Variants in CRELD2 observed in about 807,000 individuals in gnomAD.
CRELD2 encodes protein disulfide isomerase CRELD2.
CRELD2 carries 33 observed loss-of-function variants against 48.1 expected under a neutral mutation model. That is an observed-to-expected ratio of 0.69 (90% confidence interval 0.52 to 0.92). The LOEUF (loss-of-function observed/expected upper bound fraction) is 0.92, where lower values mean the gene tolerates loss of function less well. CRELD2 is among the 40% of genes least tolerant of loss of function. CRELD2 has a pLI of 0.00. For missense variants in CRELD2, 477 were observed against 482.4 expected, an observed-to-expected ratio of 0.99 and a Z score of 0.10; for synonymous variants, 220 against 203.9, an observed-to-expected ratio of 1.08 and a Z score of -0.67.
At chr22:49,925,062 C>T (rs1322516804) in intron 8 of CRELD2, 5 of 169,402 alleles carry the variant, frequency 3.0e-5, no homozygotes, top group East Asian at 1.7e-4. Flanking sequence ...ACCCGGGAGG[C>T]GGAGCTTGCA....
In CRELD2 at chr22:49,924,416, T is replaced by C; in HGVS notation, c.829T>C (p.Cys277Arg). The C allele has an allele frequency of 6.2e-7, 1 of 1,612,232 alleles. No individual in the cohort carries two copies. Among genetic ancestry groups the C allele is most frequent in the Non-Finnish European group, 8.5e-7 (1 of 1,179,394 alleles). ...TGEGPGNCKE[C>R]ISGYAREHGQ... ...GGAAGGCCCAGGAAACTGTAAAGAG[T>C]GTATCTCTGGCTACGCGAGGGAGCA... The change falls in exon 8 of 10, where the codon TGT becomes CGT. Residue 277 changes from cysteine to arginine, a missense_variant. By Grantham distance (180) the Cys-to-Arg change is radical. Transcript: ENST00000328268.
chr22:49,923,064 G>C (rs80177491), intron 6 of CRELD2, 170 bp from the exon 7 acceptor site: 8,793 of 602,638 alleles, frequency 0.015, 222 homozygotes, highest in South Asian at 0.068. Flanking sequence ...CCCCTGCCGC[G>C]TGGGGCCTCC....
At chr22:49,918,920 T>G in intron 1 of CRELD2, 22 bp downstream of exon 1, 1 of 1,326,714 alleles carries the variant, frequency 7.5e-7, no homozygotes, top group South Asian at 2.0e-5. Flanking sequence ...CCGGGCGGGG[T>G]CGTCAACCTT....
At chr22:49,921,809 G>A in intron 5 of CRELD2, 48 bp downstream of exon 5, 1 of 1,564,934 alleles carries the variant, frequency 6.4e-7, no homozygotes, top group African/African-American at 1.3e-5. Flanking sequence ...GGGATGACAA[G>A]AGCCCCTTGC....
At position 49,919,767 on chromosome 22, in the gene CRELD2, G is replaced by T; in HGVS notation, c.250G>T (p.Glu84Ter). 6.2e-7 allele frequency: 1 copy of T among 1,612,450 alleles called. No individual in the cohort carries two copies. The highest frequency in any genetic ancestry group is 1.1e-5 in the South Asian group (1 of 90,594). Residue 84 changes from glutamate (E) to a stop codon, truncating the protein, a stop_gained, in exon 3 of 10, where the codon GAG becomes TAG. Transcript: ENST00000328268. LOFTEE classifies it high-confidence loss of function. The part of the protein sequence containing the change: ...RLLEILEGLC[E>*]SSDFECNQML... The stretch of plus-strand genomic sequence containing the variant: ...GCTGGAGATCCTGGAGGGGCTGTGC[G>T]AGAGCAGCGACTTCGAATGCAATCA...
At chr22:49,921,560 G>C in intron 4 of CRELD2, 25 bp from the exon 5 acceptor site, 2 of 1,606,604 alleles carry the variant, frequency 1.2e-6, no homozygotes, top group Non-Finnish European at 1.7e-6. Context: ...GGTGTGCTCT[G>C]AGCATGGTTT....
rs1247992313 is a variant in CRELD2 at position 49,921,794 on chromosome 22, G to A, written c.592+33G>A. 8 of 1,581,378 alleles carry A rather than the reference G, an allele frequency of 5.1e-6. No homozygotes were observed. The African/African-American group carries it at 1.1e-4, about 21-fold the overall frequency. On this transcript the variant is annotated intron_variant, in intron 5 of 9. Coordinates refer to ENST00000328268, the MANE Select transcript of CRELD2 (RefSeq NM_024324.5). ...CTACGCCTGGGCTGGCCCCGGGGTT[G>A]AGGCGGGATGACAAGAGCCCCTTGC...
intron 5 of CRELD2, chr22:49,922,033 G>C (rs1349609643): frequency 6.7e-6 from 4 of 599,738 alleles, no homozygotes; most frequent in Non-Finnish European, 1.2e-5. Flanking sequence ...GTTGTGATGG[G>C]CCATGCAGTG....
intron 3 of CRELD2, 29 bp downstream of exon 3, chr22:49,919,869 A>G: frequency 1.4e-6 from 2 of 1,462,858 alleles, no homozygotes; most frequent in African/African-American, 2.8e-5. Flanking sequence ...CTTAGAAGAT[A>G]CTTTTTATTT....
intron 6 of CRELD2, among the ~76,000 whole-genome samples, chr22:49,923,003 C>G (rs1279647907): frequency 6.6e-6 from 1 of 151,248 alleles, no homozygotes; most frequent in Non-Finnish European, 1.5e-5. Flanking sequence ...GCGCCTGCCC[C>G]GGTTGGCACT....
Position 49,918,934 on chromosome 22 carries a change from C to A in CRELD2, c.129+36C>A, listed in dbSNP as rs965629906. ...GCCGGGCGGGGTCGTCAACCTTGGG[C>A]CCGGGGTCCCCCTCACCCTGCATCC... On this transcript the variant is annotated intron_variant, in intron 1 of 9. Coordinates refer to ENST00000328268, the MANE Select transcript of CRELD2 (RefSeq NM_024324.5). 8.3e-6 allele frequency: 11 copies of A among 1,327,496 alleles called. No individual in the cohort carries two copies. In the African/African-American group the frequency reaches 1.4e-4, roughly 17 times the overall value. The allele number at this position is 1,327,496 out of a possible 1,614,324, so 82.2% of individuals were successfully genotyped here.
Position 49,919,697 on chromosome 22 carries a change from C to G in CRELD2, c.213-33C>G, listed in dbSNP as rs187932367. The G allele has an allele frequency of 3.2e-5, 49 of 1,531,876 alleles. No homozygotes were observed. In the African/African-American group the frequency reaches 6.1e-4, roughly 19 times the overall value. 94.9% of individuals were successfully genotyped at this position (1,531,876 alleles called of 1,614,324 possible). ...ATTTTTCTTCACTGCCTTGGAGGCG[C>G]TGACGGTGGGCCGGTGTGGGCCTGT... On this transcript the variant is annotated intron_variant, in intron 2 of 9. Transcript: ENST00000328268.
chr22:49,925,820 A>G (rs1361148211), intron 9 of CRELD2: 1 of 1,181,940 alleles, frequency 8.5e-7, no homozygotes, highest in African/African-American at 1.6e-5. Context: ...CTCAGACCTC[A>G]GCGGGCGATG....
At position 49,926,160 on chromosome 22, in the gene CRELD2, G is replaced by A. The variant is rs767925121; in HGVS notation, c.1009+603G>A. Reference sequence around the variant, plus strand: ...CCGTGTCTTCACGTGGTCTCCATGCGGGTGTCTGTCTCTGTCCAAACCTCC... The same window carrying A: ...CCGTGTCTTCACGTGGTCTCCATGCAGGTGTCTGTCTCTGTCCAAACCTCC... On this transcript the variant is annotated intron_variant, in intron 9 of 9. Transcript: ENST00000328268. 27 of 153,460 alleles carry A rather than the reference G, an allele frequency of 1.8e-4. 2 individuals carry two copies. The South Asian group carries it at 2.2e-3, about 12-fold the overall frequency. 9.5% of individuals were successfully genotyped at this position (153,460 alleles called of 1,614,324 possible). A position where few individuals can be genotyped will look rare whatever the true frequency, so the allele number is the denominator to read the frequency against.
chr22:49,924,630 T>G (rs2060739274), intron 8 of CRELD2, 175 bp downstream of exon 8: 1 of 491,026 alleles, frequency 2.0e-6, no homozygotes. Flanking sequence ...ACAGAAGCAG[T>G]GGGGGTGGGG....
At position 49,925,702 on chromosome 22, in the gene CRELD2, A is replaced by G. The variant is rs1186752996; in HGVS notation, c.1009+145A>G. 4 of 1,481,302 alleles carry G rather than the reference A, an allele frequency of 2.7e-6. No individual in the cohort carries two copies. In the South Asian group the frequency reaches 5.3e-5, roughly 20 times the overall value. 91.8% of individuals were successfully genotyped at this position (1,481,302 alleles called of 1,614,324 possible). A position where few individuals can be genotyped will look rare whatever the true frequency, so the allele number is the denominator to read the frequency against. On this transcript the variant is annotated intron_variant, in intron 9 of 9. Coordinates refer to ENST00000328268, the MANE Select transcript of CRELD2 (RefSeq NM_024324.5). ...GATTCCCGGAAGACAGGTGCATGACATCTCTGTGTGGGCACGCTTGCGCGA... is the reference window on the plus strand; with the variant it reads ...GATTCCCGGAAGACAGGTGCATGACGTCTCTGTGTGGGCACGCTTGCGCGA...
rs1039339850 is a variant in CRELD2 at position 49,918,752 on chromosome 22, C to T, written c.-18C>T. 1.4e-5 allele frequency: 14 copies of T among 1,032,404 alleles called. No individual in the cohort carries two copies. The highest frequency in any genetic ancestry group is 3.2e-5 in the South Asian group (1 of 31,504). The allele number at this position is 1,032,404 out of a possible 1,614,324, so 64.0% of individuals were successfully genotyped here. On this transcript the variant is annotated 5_prime_UTR_variant, in exon 1 of 10. Transcript: ENST00000328268. ...GGACCTGGAGCTCCGGCTGCGTCTT[C>T]CCGCAGCGCTACCCGCCATGCGCCT...
At chr22:49,921,489 C>T (rs1255372307) in intron 4 of CRELD2, 96 bp from the exon 5 acceptor site, 19 of 1,277,284 alleles carry the variant, frequency 1.5e-5, no homozygotes, top group Non-Finnish European at 1.9e-5. Flanking sequence ...TCCTCAGAAT[C>T]GTACAGGGTT....
At chr22:49,919,033 C>T (rs1171646442) in intron 1 of CRELD2, 135 bp downstream of exon 1, 4 of 874,610 alleles carry the variant, frequency 4.6e-6, no homozygotes, top group Non-Finnish European at 6.8e-6. Flanking sequence ...GATTCGGGAT[C>T]CCCCTCACCG....
Sources: allele counts gnomAD v4.1 joint callset (sites outside exome capture counted in the v4.1 genomes callset), GRCh38; gene constraint gnomAD v4.1.1; transcripts MANE v1.5; gene names NCBI Gene and HGNC (gene_info 2026-07-23, HGNC 2026-07-21).